Variants in ADGRB3 observed in about 807,000 individuals in gnomAD.
The protein encoded by ADGRB3 is brain-specific angiogenesis inhibitor 3.
A neutral mutation model predicts 193.4 loss-of-function variants in ADGRB3; 37 were observed. The observed-to-expected ratio is 0.19, with a 90% CI of 0.15 to 0.25. The LOEUF is 0.25. Ranked by LOEUF, ADGRB3 falls within the 10% of genes least tolerant of loss-of-function variation. The pLI is 1.00. For synonymous variants in ADGRB3, 690 were observed against 644.2 expected, an observed-to-expected ratio of 1.07 and a Z score of -1.08; for missense variants, 1,637 against 1,852.9, an observed-to-expected ratio of 0.88 and a Z score of 2.14.
intron 30 of ADGRB3, among the ~76,000 whole-genome samples, chr6:69,375,116 C>T (rs972684455): frequency 1.4e-4 from 21 of 152,080 alleles, no homozygotes; most frequent in African/African-American, 5.1e-4. Flanking sequence ...ATTTAGAAAC[C>T]ATGCCTTATA....
intron 5 of ADGRB3, among the ~76,000 whole-genome samples, chr6:68,940,640 C>T (rs1767616227): frequency 7.0e-6 from 1 of 142,550 alleles, no homozygotes. Context: ...TGGCTCACGC[C>T]TGTAATCCCA....
At chr6:69,089,826 G>A (rs1250097230) in intron 17 of ADGRB3, among the ~76,000 whole-genome samples, 2 of 152,150 alleles carry the variant, frequency 1.3e-5, no homozygotes, top group African/African-American at 2.4e-5. Flanking sequence ...CTGGATGCCA[G>A]TAACTCTCCT....
intron 3 of ADGRB3, among the ~76,000 whole-genome samples, chr6:68,912,977 A>T (rs912227776): frequency 2.0e-5 from 3 of 152,144 alleles, no homozygotes; most frequent in Non-Finnish European, 4.4e-5. Flanking sequence ...GCAGTCTAAG[A>T]TCAAACTGCA....
intron 11 of ADGRB3, among the ~76,000 whole-genome samples, chr6:68,998,357 A>T (rs1173633713): frequency 6.6e-6 from 1 of 152,226 alleles, no homozygotes; most frequent in Non-Finnish European, 1.5e-5. Flanking sequence ...AAACCAAAAA[A>T]GTGTATAGCT....
chr6:68,874,775 A>G (rs780810781), intron 3 of ADGRB3, among the ~76,000 whole-genome samples: 129 of 152,208 alleles, frequency 8.5e-4, no homozygotes, highest in Non-Finnish European at 1.6e-3. Context: ...ACTCTTCGCT[A>G]TTTTCATGGA....
intron 3 of ADGRB3, among the ~76,000 whole-genome samples, chr6:68,911,392 A>G (rs922349364): frequency 1.3e-5 from 2 of 151,438 alleles, no homozygotes; most frequent in African/African-American, 4.9e-5. Context: ...CGTTGTGCAC[A>G]TGTACCCTAA....
At chr6:69,285,342 A>G (rs1049940468) in intron 20 of ADGRB3, among the ~76,000 whole-genome samples, 6 of 152,096 alleles carry the variant, frequency 3.9e-5, no homozygotes, top group African/African-American at 1.4e-4. Context: ...AGCTTCCTCT[A>G]CTTCTAGTCG....
At chr6:69,215,937 A>G (rs926247501) in intron 17 of ADGRB3, among the ~76,000 whole-genome samples, 2 of 152,216 alleles carry the variant, frequency 1.3e-5, no homozygotes, top group Non-Finnish European at 2.9e-5. Context: ...GATAGTTAAT[A>G]TAAATTCAAA....
intron 3 of ADGRB3, among the ~76,000 whole-genome samples, chr6:68,748,230 A>G (rs533351986): frequency 2.0e-5 from 3 of 152,266 alleles, no homozygotes; most frequent in Non-Finnish European, 4.4e-5. Context: ...CCTTCCCAAC[A>G]GTCCCATAAA....
intron 11 of ADGRB3, among the ~76,000 whole-genome samples, chr6:68,999,886 T>C (rs1447098842): frequency 6.6e-6 from 1 of 152,156 alleles, no homozygotes; most frequent in Non-Finnish European, 1.5e-5. Flanking sequence ...AAGGGTAATA[T>C]AATAATGTTT....
intron 3 of ADGRB3, among the ~76,000 whole-genome samples, chr6:68,865,975 TA>T (rs1307599837): frequency 1.3e-5 from 2 of 152,148 alleles, no homozygotes; most frequent in Admixed American, 1.3e-4. Context: ...TTTTCACCCA[TA>T]TATTTGCTAG....
chr6:68,704,189 A>T (rs1283168841), intron 3 of ADGRB3, among the ~76,000 whole-genome samples: 1 of 152,234 alleles, frequency 6.6e-6, no homozygotes, highest in Non-Finnish European at 1.5e-5. Flanking sequence ...ATGAGAAAGA[A>T]AACTGGACTA....
intron 12 of ADGRB3, among the ~76,000 whole-genome samples, chr6:69,018,185 T>A (rs1770153394): frequency 6.6e-6 from 1 of 151,926 alleles, no homozygotes; most frequent in South Asian, 2.1e-4. Context: ...AATCACTACA[T>A]CATATTACTT....
intron 5 of ADGRB3, among the ~76,000 whole-genome samples, chr6:68,938,854 A>G (rs1394835264): frequency 1.3e-5 from 2 of 152,164 alleles, no homozygotes; most frequent in African/African-American, 2.4e-5. Flanking sequence ...TCAATAAAGA[A>G]TTATGCTGTA....
At chr6:69,201,907 G>A (rs1303158357) in intron 17 of ADGRB3, among the ~76,000 whole-genome samples, 1 of 152,014 alleles carries the variant, frequency 6.6e-6, no homozygotes, top group Non-Finnish European at 1.5e-5. Context: ...AATGATACAT[G>A]TTAAGTTTTC....
chr6:69,240,501 A>G (rs969474001), intron 20 of ADGRB3, among the ~76,000 whole-genome samples: 1 of 152,018 alleles, frequency 6.6e-6, no homozygotes, highest in Non-Finnish European at 1.5e-5. Context: ...TAAACATTTA[A>G]TACAAATTTT....
intron 17 of ADGRB3, among the ~76,000 whole-genome samples, chr6:69,154,522 T>A (rs1225134961): frequency 1.3e-5 from 2 of 152,300 alleles, no homozygotes; most frequent in East Asian, 3.9e-4. Flanking sequence ...ACCTTCCTCT[T>A]TTTTGTTCCA....
At chr6:69,240,286 C>T (rs1189792854) in intron 20 of ADGRB3, among the ~76,000 whole-genome samples, 2 of 151,894 alleles carry the variant, frequency 1.3e-5, no homozygotes, top group African/African-American at 4.8e-5. Context: ...TTGCCCTAGG[C>T]CAGGGGAAGG....
At chr6:69,383,067 A>G (rs146205068) in intron 31 of ADGRB3, 132 bp downstream of exon 31, 19 of 484,576 alleles carry the variant, frequency 3.9e-5, no homozygotes, top group African/African-American at 3.2e-4. Flanking sequence ...AGCCCCCAAA[A>G]CATACTTTGG....
Sources: gnomAD v4.1 joint callset for allele counts (sites outside exome capture counted in the v4.1 genomes callset) on GRCh38, gnomAD v4.1.1 for gene constraint, MANE v1.5 for transcripts, NCBI Gene and HGNC (gene_info 2026-07-23, HGNC 2026-07-21) for gene names.